The following FFAR1 variants were observed in gnomAD, a reference collection of about 807,000 sequenced individuals.
The protein encoded by FFAR1 is G-protein coupled receptor 40.
For synonymous variants in FFAR1, 216 were observed against 201.5 expected (o/e 1.07, Z -0.61); for missense variants, 424 against 396.2 (o/e 1.07, Z -0.60).
At chr19:35,350,709 G>A (rs891079801), upstream of FFAR1, among the ~76,000 whole-genome samples, 2 of 152,190 alleles carry the variant, frequency 1.3e-5, no homozygotes, top group Admixed American at 1.3e-4. Flanking sequence ...CACCCAAGCT[G>A]CTAGAACCTC....
chr19:35,350,569 G>A (rs1262870527), upstream of FFAR1, among the ~76,000 whole-genome samples: 1 of 152,140 alleles, frequency 6.6e-6, no homozygotes, highest in Non-Finnish European at 1.5e-5. Context: ...AGAGGCACTG[G>A]CTACACACTC....
upstream of FFAR1, among the ~76,000 whole-genome samples, chr19:35,350,505 G>A (rs548657529): frequency 8.7e-4 from 133 of 152,292 alleles, no homozygotes; most frequent in African/African-American, 2.9e-3. Context: ...CAGGCAGGAG[G>A]GCTGGGGAGG....
upstream of FFAR1, among the ~76,000 whole-genome samples, chr19:35,348,649 G>T (rs1261213489): frequency 6.6e-6 from 1 of 152,170 alleles, no homozygotes; most frequent in Admixed American, 6.5e-5. Flanking sequence ...GTGTTGGGGT[G>T]TCTGTGCCCA....
chr19:35,348,980 C>T (rs2066933178), upstream of FFAR1, among the ~76,000 whole-genome samples: 2 of 152,180 alleles, frequency 1.3e-5, no homozygotes, highest in Admixed American at 1.3e-4. Context: ...TGAGATATGG[C>T]CATCAATAGA....
exon 1 of FFAR1, chr19:35,352,195 C>A: frequency 6.2e-7 from 1 of 1,601,128 alleles, no homozygotes; most frequent in Non-Finnish European, 8.5e-7. Context: ...TCCGGCCTGA[C>A]GCACAGGCGG....
At chr19:35,352,543 G>A (rs1468309352) in exon 1 of FFAR1, 4 of 1,416,752 alleles carry the variant, frequency 2.8e-6, no homozygotes, top group African/African-American at 1.4e-5. Context: ...GGAACTGCAG[G>A]GCAGCCTGGC....
At chr19:35,349,900 TGA>T (rs1211777316), upstream of FFAR1, among the ~76,000 whole-genome samples, 14 of 152,264 alleles carry the variant, frequency 9.2e-5, no homozygotes, top group South Asian at 1.4e-3. Context: ...TGGGCACACC[TGA>T]GAGAGCATCC....
At chr19:35,353,458 C>G (rs561082649) in exon 1 of FFAR1, 6 of 152,218 alleles carry the variant, frequency 3.9e-5, no homozygotes, top group African/African-American at 1.4e-4. Flanking sequence ...GCACTCCAGC[C>G]TGGGTGACAG....
chr19:35,351,582 C>T, exon 1 of FFAR1: 1 of 1,541,122 alleles, frequency 6.5e-7, no homozygotes. Flanking sequence ...CTCCTTCGGC[C>T]TCTATGTGGC....
chr19:35,352,516 CG>C (rs1428050842), exon 1 of FFAR1: 2 of 1,501,858 alleles, frequency 1.3e-6, no homozygotes, highest in Admixed American at 2.1e-5. Context: ...CAGGCCCCTG[CG>C]GGGGGCTGCT....
At chr19:35,351,059 A>G (rs535754610), upstream of FFAR1, among the ~76,000 whole-genome samples, 1 of 150,990 alleles carries the variant, frequency 6.6e-6, no homozygotes, top group Non-Finnish European at 1.5e-5. Context: ...CGGCTTTCCA[A>G]TGTGGGTGGG....
exon 1 of FFAR1, chr19:35,351,592 C>T (rs1273856579): frequency 6.5e-7 from 1 of 1,541,146 alleles, no homozygotes. Flanking sequence ...CTCTATGTGG[C>T]CGCCTTTGCG....
upstream of FFAR1, among the ~76,000 whole-genome samples, chr19:35,350,293 A>C (rs1167952429): frequency 1.3e-5 from 2 of 152,120 alleles, no homozygotes; most frequent in African/African-American, 4.8e-5. Context: ...TCCTCGCAAA[A>C]ACTAAAACAA....
upstream of FFAR1, chr19:35,351,427 T>C: frequency 1.2e-6 from 1 of 809,354 alleles, no homozygotes; most frequent in Non-Finnish European, 2.0e-6. Context: ...AGGTGAATTG[T>C]AATTCTCCAC....
chr19:35,350,458 A>C (rs1045758828), upstream of FFAR1, among the ~76,000 whole-genome samples: 1 of 152,076 alleles, frequency 6.6e-6, no homozygotes, highest in East Asian at 1.9e-4. Context: ...GGGGTGCATC[A>C]AGGGTGGAGA....
At chr19:35,352,587 G>T (rs1209339320) in exon 1 of FFAR1, 1 of 958,548 alleles carries the variant, frequency 1.0e-6, no homozygotes, top group Non-Finnish European at 1.5e-6. Context: ...CAAGCAGAGA[G>T]CGGCGCCTGC....
chr19:35,351,454 C>A, upstream of FFAR1: 1 of 1,086,450 alleles, frequency 9.2e-7, no homozygotes, highest in East Asian at 2.6e-5. Flanking sequence ...CTGGAACCCG[C>A]GAGTGATCCC....
At chr19:35,352,180 C>T (rs768427411) in exon 1 of FFAR1, 1 of 1,606,568 alleles carries the variant, frequency 6.2e-7, no homozygotes, top group Non-Finnish European at 8.5e-7. Flanking sequence ...CGGGCACTGG[C>T]CCGCTCCGGC....
chr19:35,352,522 G>T (rs2066950493), exon 1 of FFAR1: 1 of 1,490,160 alleles, frequency 6.7e-7, no homozygotes, highest in African/African-American at 1.4e-5. Context: ...CCTGCGGGGG[G>T]CTGCTTCGGA....
Sources: gnomAD v4.1 joint callset for allele counts (sites outside exome capture counted in the v4.1 genomes callset) on GRCh38, gnomAD v4.1.1 for gene constraint, MANE v1.5 for transcripts, NCBI Gene and HGNC (gene_info 2026-07-23, HGNC 2026-07-21) for gene names.